Variants in PLEKHG2 observed in about 807,000 individuals in gnomAD.
PLEKHG2 encodes pleckstrin homology and RhoGEF domain containing G2.
A neutral mutation model predicts 104.4 loss-of-function variants in PLEKHG2; 71 were observed. The observed-to-expected ratio is 0.68, with a 90% CI of 0.56 to 0.83. The LOEUF is 0.83. Ranked by LOEUF, PLEKHG2 falls within the 40% of genes least tolerant of loss-of-function variation. The pLI is 0.00. For missense variants in PLEKHG2, 1,730 were observed against 1,809.4 expected, an observed-to-expected ratio of 0.96 and a Z score of 0.80; for synonymous variants, 728 against 737.0, an observed-to-expected ratio of 0.99 and a Z score of 0.20.
chr19:39,424,740 CT>C lies in PLEKHG2; in HGVS notation c.3608del (p.Leu1203ProfsTer2). 3 of 1,614,180 alleles carry C rather than the reference CT, an allele frequency of 1.9e-6. No individual in the cohort carries two copies. The African/African-American group carries it at 4.0e-5, about 22-fold the overall frequency. On this transcript the variant is annotated frameshift_variant, in exon 19 of 19. Transcript: ENST00000425673. LOFTEE classifies it low-confidence loss of function (END_TRUNC). ...CACACCTTCGTTGGAGCAGAAGAGC[CT>C]CATAGATGCCCATGTTCCAGCTGCC... ...KLTPSLEQKS[L>X]IDAHVPAATP...
In PLEKHG2 at chr19:39,423,810, CT is replaced by C. The variant is rs1487668842; in HGVS notation, c.2678del (p.Leu893ArgfsTer153). 1 of 1,614,202 alleles carries C rather than the reference CT, an allele frequency of 6.2e-7. No homozygotes were observed. The highest frequency in any genetic ancestry group is 8.5e-7 in the Non-Finnish European group (1 of 1,180,034). On this transcript the variant is annotated frameshift_variant, in exon 19 of 19. Coordinates refer to ENST00000425673, the MANE Select transcript of PLEKHG2 (RefSeq NM_022835.3). LOFTEE classifies it low-confidence loss of function (END_TRUNC). ...PLTCAQESVP[L>X]GPAVWVQAAI... The stretch of plus-strand genomic sequence containing the variant: ...GACATGTGCCCAGGAGTCTGTCCCC[CT>C]GGGTCCTGCTGTCTGGGTTCAAGCT...
chr19:39,422,339 A>G, intron 17 of PLEKHG2, 51 bp downstream of exon 17: 1 of 1,565,866 alleles, frequency 6.4e-7, no homozygotes. Flanking sequence ...GTGTGGGCAC[A>G]CAGACCAGGG....
chr19:39,414,264 G>A (rs1384141387), intron 2 of PLEKHG2, 69 bp downstream of exon 2: 1 of 1,464,816 alleles, frequency 6.8e-7, no homozygotes, highest in Admixed American at 2.0e-5. Flanking sequence ...TCAAGGCAGG[G>A]TGATGGAGAC....
intron 14 of PLEKHG2, 37 bp downstream of exon 14, chr19:39,421,033 G>T (rs779617224): frequency 2.6e-5 from 42 of 1,613,926 alleles, no homozygotes; most frequent in African/African-American, 4.0e-5. Flanking sequence ...CAGGCATCGG[G>T]GTGGGAGCTG....
chr19:39,424,564 C>G lies in PLEKHG2; in HGVS notation c.3431C>G (p.Thr1144Arg), dbSNP rs1445996219. The G allele has an allele frequency of 1.9e-6, 3 of 1,614,068 alleles. No individual in the cohort carries two copies. Among genetic ancestry groups the G allele is most frequent in the Non-Finnish European group, 2.5e-6 (3 of 1,180,050 alleles). Reference sequence around the variant, plus strand: ...CCAGACACTCAGGTTCCAGCTACCACACCTTTGCCCCTGCCACAAGTCCTC... The same window carrying G: ...CCAGACACTCAGGTTCCAGCTACCAGACCTTTGCCCCTGCCACAAGTCCTC... ...ELPDTQVPAT[T>R]PLPLPQVLTD... The change falls in exon 19 of 19, where the codon ACA (threonine) becomes AGA (arginine). Residue 1144 changes from threonine (T) to arginine (R), a missense_variant. Coordinates refer to ENST00000425673, the MANE Select transcript of PLEKHG2 (RefSeq NM_022835.3).
At position 39,425,000 on chromosome 19, in the gene PLEKHG2, C is replaced by G. The variant is rs756767227; in HGVS notation, c.3867C>G (p.Ser1289Arg). ...RYLAASYISQ[S>R]LARRQGPGGG... Reference sequence around the variant, plus strand: ...TGGCAGCCTCATATATCAGCCAGAGCCTGGCTCGGCGGCAGGGGCCTGGGG... The same window carrying G: ...TGGCAGCCTCATATATCAGCCAGAGGCTGGCTCGGCGGCAGGGGCCTGGGG... The change falls in exon 19 of 19, where the codon AGC (serine) becomes AGG (arginine). Residue 1289 changes from serine (S) to arginine (R), a missense_variant. Coordinates refer to ENST00000425673, the MANE Select transcript of PLEKHG2 (RefSeq NM_022835.3). The G allele has an allele frequency of 6.2e-7, 1 of 1,610,086 alleles. No homozygotes were observed. Among genetic ancestry groups the G allele is most frequent in the Non-Finnish European group, 8.5e-7 (1 of 1,177,488 alleles).
chr19:39,416,516 A>G lies in PLEKHG2; in HGVS notation c.547-35A>G. The G allele has an allele frequency of 6.2e-7, 1 of 1,613,528 alleles. No homozygotes were observed. Among genetic ancestry groups the G allele is most frequent in the Non-Finnish European group, 8.5e-7 (1 of 1,179,788 alleles). On this transcript the variant is annotated intron_variant, in intron 5 of 18. Transcript: ENST00000425673. The surrounding 1 kb of genome is among the most constrained non-coding windows in gnomAD (Gnocchi z 4.5). ...GGAAGGGGGGTCGTGGGAAGCCAGG[A>G]CCTGGGGTCTCCCTGACTCCCATGT...
At position 39,418,068 on chromosome 19, in the gene PLEKHG2, G is replaced by A. The variant is rs956539284; in HGVS notation, c.1046G>A (p.Arg349His). 25 of 1,541,106 alleles carry A rather than the reference G, an allele frequency of 1.6e-5. No individual in the cohort carries two copies. Among genetic ancestry groups the A allele is most frequent in the East Asian group, 4.5e-5 (2 of 44,072 alleles). ...LFSRMLLVAKRRGLEYTYKGH... is the reference protein window; with the variant it reads ...LFSRMLLVAKHRGLEYTYKGH... ...TCTCGGATGCTGCTGGTGGCCAAGC[G>A]CAGGGGGCTGGAGTACACCTACAAA... The change falls in exon 9 of 19, where the codon CGC becomes CAC. Residue 349 changes from arginine (R) to histidine (H), a missense_variant. Coordinates refer to ENST00000425673, the MANE Select transcript of PLEKHG2 (RefSeq NM_022835.3).
Position 39,415,532 on chromosome 19 carries a change from G to A in PLEKHG2, c.479+93G>A, listed in dbSNP as rs1457647425. 9 of 1,371,420 alleles carry A rather than the reference G, an allele frequency of 6.6e-6. No individual in the cohort carries two copies. In the African/African-American group the frequency reaches 1.1e-4, roughly 17 times the overall value. The allele number at this position is 1,371,420 out of a possible 1,614,324, so 85.0% of individuals were successfully genotyped here. ...CGGAGCTTCGTAGTGTCCTGTCCAG[G>A]CTGGTACGTGGGGTTGTGACATTGG... is the stretch of plus-strand genomic sequence containing the variant. On this transcript the variant is annotated intron_variant, in intron 4 of 18. Transcript: ENST00000425673. This position sits in a 1 kb window ranked among gnomAD's most constrained non-coding sequence, Gnocchi z 4.6.
rs200390175 is a variant in PLEKHG2 at position 39,419,017 on chromosome 19, C to G, written c.1263+14C>G. 6.2e-7 allele frequency: 1 copy of G among 1,602,450 alleles called. No individual in the cohort carries two copies. Among genetic ancestry groups the G allele is most frequent in the South Asian group, 1.1e-5 (1 of 90,154 alleles). Reference sequence around the variant, plus strand: ...ATCCCTGCCAAGGTACAGCTCCTGCCGCAGCCGGGGGCCCTCTGAGTGCTG... The same window carrying G: ...ATCCCTGCCAAGGTACAGCTCCTGCGGCAGCCGGGGGCCCTCTGAGTGCTG... On this transcript the variant is annotated intron_variant, in intron 11 of 18. Coordinates refer to ENST00000425673, the MANE Select transcript of PLEKHG2 (RefSeq NM_022835.3).
At chr19:39,422,086 T>G in intron 16 of PLEKHG2, 29 bp from the exon 17 acceptor site, 11 of 1,588,380 alleles carry the variant, frequency 6.9e-6, no homozygotes, top group Non-Finnish European at 8.6e-6. Context: ...GTCTTGGCTC[T>G]TGCCTTCCAT....
Position 39,417,705 on chromosome 19 carries a change from T to C in PLEKHG2, c.882+13T>C. The C allele has an allele frequency of 1.7e-6, 2 of 1,163,840 alleles. 1 individual carries two copies. Among genetic ancestry groups the C allele is most frequent in the Non-Finnish European group, 2.2e-6 (2 of 918,498 alleles). 72.1% of individuals were successfully genotyped at this position (1,163,840 alleles called of 1,614,324 possible). A position where few individuals can be genotyped will look rare whatever the true frequency, so the allele number is the denominator to read the frequency against. On this transcript the variant is annotated intron_variant, in intron 8 of 18. Coordinates refer to ENST00000425673, the MANE Select transcript of PLEKHG2 (RefSeq NM_022835.3). ...AGCGCGCCTCCAGGTGGCCCCAGGG[T>C]GGGCTGGGGCTTGCTGGATGAGGGA...
rs537454439 is a variant in PLEKHG2 at position 39,422,668 on chromosome 19, C to T, written c.1678-64C>T. The T allele has an allele frequency of 4.6e-4, 692 of 1,489,472 alleles. 2 individuals carry two copies. Among genetic ancestry groups the T allele is most frequent in the Middle Eastern group, 2.5e-3 (11 of 4,354 alleles). The allele number at this position is 1,489,472 out of a possible 1,614,324, so 92.3% of individuals were successfully genotyped here. A position where few individuals can be genotyped will look rare whatever the true frequency, so the allele number is the denominator to read the frequency against. On this transcript the variant is annotated intron_variant, in intron 17 of 18. Coordinates refer to ENST00000425673, the MANE Select transcript of PLEKHG2 (RefSeq NM_022835.3). ...CCTCCCAAAGTGCTGGGATTACAGG[C>T]GTGAGCCACCACACCCAGCTACCAT...
intron 7 of PLEKHG2, 60 bp downstream of exon 7, chr19:39,417,060 G>C: frequency 8.6e-6 from 13 of 1,516,512 alleles, no homozygotes; most frequent in Non-Finnish European, 1.1e-5. Flanking sequence ...TTGACCACCT[G>C]TTGGTTCATC....
intron 11 of PLEKHG2, among the ~76,000 whole-genome samples, chr19:39,419,599 C>T (rs1240016199): frequency 7.9e-5 from 12 of 151,804 alleles, no homozygotes; most frequent in Non-Finnish European, 1.8e-4. Context: ...AAAATTAGGC[C>T]GGGCGCGGTG....
At chr19:39,420,023 A>C (rs1212755195) in intron 11 of PLEKHG2, among the ~76,000 whole-genome samples, 1 of 152,164 alleles carries the variant, frequency 6.6e-6, no homozygotes, top group African/African-American at 2.4e-5. Flanking sequence ...ATTGCACTCC[A>C]GCCTGGGCAA....
intron 11 of PLEKHG2, among the ~76,000 whole-genome samples, chr19:39,419,632 C>G (rs1160802327): frequency 6.6e-6 from 1 of 151,872 alleles, no homozygotes; most frequent in Non-Finnish European, 1.5e-5. Flanking sequence ...AATCCCAGCA[C>G]TTTGGGAGGC....
chr19:39,420,609 ATCC>A lies in PLEKHG2; in HGVS notation c.1264-12_1264-10del. ...CCAAGATCGACCCACCTCAGCCCTC[ATCC>A]TCCTGTCTTTCAGGCAAAGCAAGTT... is the stretch of plus-strand genomic sequence containing the variant. On this transcript the variant is annotated splice_polypyrimidine_tract_variant and intron_variant, in intron 11 of 18. Coordinates refer to ENST00000425673, the MANE Select transcript of PLEKHG2 (RefSeq NM_022835.3). 1.2e-6 allele frequency: 2 copies of A among 1,614,170 alleles called. No individual in the cohort carries two copies. The highest frequency in any genetic ancestry group is 1.7e-6 in the Non-Finnish European group (2 of 1,180,018).
At chr19:39,420,912 C>G in intron 13 of PLEKHG2, 37 bp from the exon 14 acceptor site, 2 of 1,614,044 alleles carry the variant, frequency 1.2e-6, no homozygotes, top group African/African-American at 2.7e-5. Flanking sequence ...GACCCGGGAG[C>G]TGGGCTCACA....
Sources: allele counts gnomAD v4.1 joint callset (sites outside exome capture counted in the v4.1 genomes callset), GRCh38; gene constraint gnomAD v4.1.1; non-coding constraint Gnocchi (gnomAD v3.1); transcripts MANE v1.5; gene names NCBI Gene and HGNC (gene_info 2026-07-23, HGNC 2026-07-21).